Variants in GCFC2 observed in about 807,000 individuals in gnomAD.
GCFC2 encodes GC-rich sequence DNA-binding factor 2.
GCFC2 carries 102 observed loss-of-function variants against 99.4 expected under a neutral mutation model. The observed-to-expected ratio is 1.03, with a 90% CI of 0.87 to 1.21. The LOEUF (loss-of-function observed/expected upper bound fraction) is 1.21. GCFC2 is among the 50% of genes most tolerant of loss of function. The probability of loss-of-function intolerance (pLI) is 0.00; values close to 1 mark genes in which losing one functional copy is unlikely to be tolerated. For missense variants in GCFC2, 973 were observed against 920.9 expected (o/e 1.06, Z -0.73); for synonymous variants, 338 against 316.8 (o/e 1.07, Z -0.71).
chr2:75,685,916 T>G (rs1425570748), intron 11 of GCFC2, among the ~76,000 whole-genome samples: 1 of 152,202 alleles, frequency 6.6e-6, no homozygotes, highest in Non-Finnish European at 1.5e-5. Context: ...ACCTCTGTCC[T>G]TCCAGTTGCT....
At chr2:75,667,978 T>C (rs183571413) in intron 15 of GCFC2, among the ~76,000 whole-genome samples, 5 of 152,310 alleles carry the variant, frequency 3.3e-5, no homozygotes, top group Admixed American at 2.6e-4. Flanking sequence ...TAGGTTTCCA[T>C]TAGCAACCAG....
At chr2:75,670,310 G>C in intron 14 of GCFC2, 26 bp from the exon 15 acceptor site, 4 of 1,503,572 alleles carry the variant, frequency 2.7e-6, no homozygotes, top group Non-Finnish European at 3.7e-6. Context: ...AAGTAAATAT[G>C]TACCTTTTCT....
intron 11 of GCFC2, among the ~76,000 whole-genome samples, chr2:75,681,193 G>C (rs1247412286): frequency 6.6e-6 from 1 of 152,208 alleles, no homozygotes; most frequent in East Asian, 1.9e-4. Flanking sequence ...GATGGACGTA[G>C]AAGGCCGGTG....
intron 11 of GCFC2, among the ~76,000 whole-genome samples, chr2:75,687,357 G>C (rs1378872844): frequency 1.3e-5 from 2 of 152,008 alleles, no homozygotes; most frequent in Non-Finnish European, 1.5e-5. Flanking sequence ...AAAAGCAGCG[G>C]GAATGCCACA....
rs533688202 is a variant in GCFC2, at chr2:75,704,866, G to A, written c.394+1657C>T. ...AATTTTTACATTTTTAGTAAAGCCA[G>A]GGTTTCACCATTTTGGCCAGGTTGG... On this transcript the variant is annotated intron_variant, in intron 2 of 16. Coordinates refer to ENST00000321027, the MANE Select transcript of GCFC2 (RefSeq NM_003203.5). 4.6e-5 allele frequency among the ~76,000 whole-genome samples: 7 copies of A among 152,286 alleles called. No homozygotes were observed. In the South Asian group the frequency reaches 1.2e-3, roughly 27 times the overall value.
intron 6 of GCFC2, 134 bp downstream of exon 6, chr2:75,694,107 C>T (rs973578890): frequency 7.3e-6 from 2 of 274,336 alleles, no homozygotes; most frequent in Non-Finnish European, 1.1e-5. Context: ...TAAGAGAATG[C>T]TATCATCTTA....
intron 11 of GCFC2, among the ~76,000 whole-genome samples, chr2:75,683,270 A>G (rs1402089004): frequency 6.6e-6 from 1 of 151,928 alleles, no homozygotes; most frequent in South Asian, 2.1e-4. Flanking sequence ...ACAAGCTACA[A>G]GAGACTGGGG....
intron 12 of GCFC2, chr2:75,679,944 G>A (rs1338849208): frequency 2.2e-6 from 1 of 449,148 alleles, no homozygotes; most frequent in Non-Finnish European, 3.9e-6. Flanking sequence ...GTGTTGAGAA[G>A]TATCAAGGTA....
At chr2:75,710,549 C>A in intron 1 of GCFC2, 42 bp downstream of exon 1, 2 of 1,465,294 alleles carry the variant, frequency 1.4e-6, no homozygotes, top group East Asian at 2.7e-5. Context: ...CCTTCCCGCC[C>A]TGTGCCGTCA....
Position 75,706,523 on chromosome 2 carries a change from CT to C in GCFC2, c.393del (p.Val132LeufsTer39). The C allele has an allele frequency of 6.4e-7, 1 of 1,572,632 alleles. No individual in the cohort carries two copies. Among genetic ancestry groups the C allele is most frequent in the Non-Finnish European group, 8.7e-7 (1 of 1,151,752 alleles). On this transcript the variant is annotated frameshift_variant and splice_region_variant, in exon 2 of 17. Transcript: ENST00000321027. LOFTEE classifies it high-confidence loss of function. ...AACCAAAATCATACAAATTACTAAC[CT>C]GTTGATGAAAGTTCTTTTTCTCCAA... ...SSLGEKELSS[T>X]VKIPDAAFIQ...
At position 75,702,571 on chromosome 2, in the gene GCFC2, C is replaced by T. The variant is rs1680657785; in HGVS notation, c.395-148G>A. The T allele has an allele frequency of 4.8e-6, 3 of 625,968 alleles. No individual in the cohort carries two copies. The Admixed American group carries it at 9.1e-5, about 19-fold the overall frequency. 38.8% of individuals were successfully genotyped at this position (625,968 alleles called of 1,614,324 possible). ...GTGACTTTAATAAATGGCTCAAAAT[C>T]TGTATCAGCAAAGGAAGAAAACTTA... On this transcript the variant is annotated intron_variant, in intron 2 of 16. Coordinates refer to ENST00000321027, the MANE Select transcript of GCFC2 (RefSeq NM_003203.5).
intron 16 of GCFC2, among the ~76,000 whole-genome samples, chr2:75,665,053 T>C (rs1257828985): frequency 1.3e-5 from 2 of 152,148 alleles, no homozygotes; most frequent in African/African-American, 4.8e-5. Context: ...GAAATTTCAG[T>C]AGTGCTGCGT....
chr2:75,681,002 A>C (rs1679549746), intron 11 of GCFC2, among the ~76,000 whole-genome samples: 1 of 152,188 alleles, frequency 6.6e-6, no homozygotes, highest in Non-Finnish European at 1.5e-5. Context: ...CTTTTGGCTT[A>C]GTCTAAGATC....
At chr2:75,712,520 G>A (rs1220822836), upstream of GCFC2, among the ~76,000 whole-genome samples, 1 of 152,150 alleles carries the variant, frequency 6.6e-6, no homozygotes, top group African/African-American at 2.4e-5. Context: ...GGATGTGGGT[G>A]GGGCCAGATA....
At chr2:75,669,442 A>C (rs929194970) in intron 15 of GCFC2, among the ~76,000 whole-genome samples, 51 of 152,224 alleles carry the variant, frequency 3.4e-4, no homozygotes, top group African/African-American at 1.2e-3. Context: ...TTTTTCTCAT[A>C]ATTTCTTCTT....
chr2:75,682,339 C>G lies in GCFC2; in HGVS notation c.1691-2025G>C, dbSNP rs537176911. Among the ~76,000 whole-genome samples, 25 of 151,998 alleles carry G rather than the reference C, an allele frequency of 1.6e-4. 1 individual carries two copies. Among genetic ancestry groups the G allele is most frequent in the African/African-American group, 6.1e-4 (25 of 41,278 alleles). ...TGGACCTCCAGCAAACTCCAGCAGACCTACAGCTGAGGGGCCTGACTGTTA... is the reference window on the plus strand; with the variant it reads ...TGGACCTCCAGCAAACTCCAGCAGAGCTACAGCTGAGGGGCCTGACTGTTA... On this transcript the variant is annotated intron_variant, in intron 11 of 16. Transcript: ENST00000321027.
intron 7 of GCFC2, 122 bp downstream of exon 7, chr2:75,691,855 G>T: frequency 2.4e-6 from 1 of 416,024 alleles, no homozygotes; most frequent in Non-Finnish European, 3.9e-6. Flanking sequence ...TTGGAAGTTG[G>T]TGGGTAAAGG....
At chr2:75,665,566 A>G (rs2104172892) in intron 16 of GCFC2, among the ~76,000 whole-genome samples, 1 of 152,354 alleles carries the variant, frequency 6.6e-6, no homozygotes. Flanking sequence ...AGAGCTAGCT[A>G]CTGCTGGATA....
At chr2:75,695,457 A>G (rs948781109) in intron 5 of GCFC2, among the ~76,000 whole-genome samples, 1 of 152,226 alleles carries the variant, frequency 6.6e-6, no homozygotes, top group African/African-American at 2.4e-5. Flanking sequence ...TTTTGGTAAT[A>G]TAGAAAAATG....
Sources: allele counts gnomAD v4.1 joint callset (sites outside exome capture counted in the v4.1 genomes callset), GRCh38; gene constraint gnomAD v4.1.1; transcripts MANE v1.5; gene names NCBI Gene and HGNC (gene_info 2026-07-23, HGNC 2026-07-21).